The following ATG2A variants were observed in gnomAD, a reference collection of about 807,000 sequenced individuals.
ATG2A encodes the protein autophagy-related protein 2 homolog A.
Under a neutral mutation model 214.2 loss-of-function variants are expected in ATG2A, and 103 were observed. The ratio of observed to expected loss-of-function variants is 0.48; its 90% CI spans 0.41 to 0.57. The LOEUF is 0.57. Ranked by LOEUF, ATG2A falls within the 20% of genes least tolerant of loss-of-function variation. ATG2A has a pLI of 0.00. For missense variants in ATG2A, 2,312 were observed against 2,613.2 expected (o/e 0.88, Z 2.51); for synonymous variants, 1,160 against 1,142.1 (o/e 1.02, Z -0.32).
chr11:64,899,643 C>A (rs1013471967), intron 31 of ATG2A, among the ~76,000 whole-genome samples: 1 of 152,106 alleles, frequency 6.6e-6, no homozygotes, highest in Non-Finnish European at 1.5e-5. Context: ...CTCACACACC[C>A]CATCCGCAGC....
chr11:64,907,524 C>G lies in ATG2A; in HGVS notation c.2647+1G>C. On this transcript the variant is annotated splice_donor_variant, in intron 18 of 40. Transcript: ENST00000377264. LOFTEE classifies it high-confidence loss of function. ...TAGCCCAGCGTTAGCACCTCTCATACCCAGCTTGAAGGCTGACTTGCACAT... is the reference window on the plus strand; with the variant it reads ...TAGCCCAGCGTTAGCACCTCTCATAGCCAGCTTGAAGGCTGACTTGCACAT... 6.2e-7 allele frequency: 1 copy of G among 1,612,786 alleles called. No homozygotes were observed. The highest frequency in any genetic ancestry group is 8.5e-7 in the Non-Finnish European group (1 of 1,179,750).
At chr11:64,912,946 C>G in intron 6 of ATG2A, 92 bp downstream of exon 6, 1 of 937,400 alleles carries the variant, frequency 1.1e-6, no homozygotes, top group Non-Finnish European at 1.6e-6. Context: ...CACTTGACAT[C>G]CCCACTGTGG....
chr11:64,913,439 C>CA lies in ATG2A; in HGVS notation c.591-39dup. On this transcript the variant is annotated intron_variant, in intron 4 of 40. Coordinates refer to ENST00000377264, the MANE Select transcript of ATG2A (RefSeq NM_015104.3). The surrounding 1 kb of genome is among the most constrained non-coding windows in gnomAD (Gnocchi z 4.3). Reference sequence around the variant, plus strand: ...GGGTCAGCCCGTGCCCTGGCCACCCCAGGCCTGGAGCCCCTCTCTCCACAC... The same window carrying CA: ...GGGTCAGCCCGTGCCCTGGCCACCCCAAGGCCTGGAGCCCCTCTCTCCACAC... 1 of 1,523,514 alleles carries CA rather than the reference C, an allele frequency of 6.6e-7. No individual in the cohort carries two copies. The highest frequency in any genetic ancestry group is 8.8e-7 in the Non-Finnish European group (1 of 1,131,628). The allele number at this position is 1,523,514 out of a possible 1,614,324, so 94.4% of individuals were successfully genotyped here.
In ATG2A at chr11:64,910,726, A is replaced by G; in HGVS notation, c.1615-18T>C. The G allele has an allele frequency of 1.2e-6, 2 of 1,609,974 alleles. No individual in the cohort carries two copies. Among genetic ancestry groups the G allele is most frequent in the Non-Finnish European group, 1.7e-6 (2 of 1,178,400 alleles). The stretch of plus-strand genomic sequence containing the variant: ...GTCAGGATCTGGGATGGGACCCGGG[A>G]GGCACACAGGGTCAGGCCTGGCCCC... On this transcript the variant is annotated intron_variant, in intron 11 of 40. Transcript: ENST00000377264.
rs771089212 is a variant in ATG2A, at chr11:64,903,289, A to T, written c.3611T>A (p.Leu1204Gln). Residue 1204 changes from leucine (L) to glutamine (Q), a missense_variant and splice_region_variant, in exon 26 of 41, where the codon CTG becomes CAG. By Grantham distance (113) the Leu-to-Gln change is moderately radical. Coordinates refer to ENST00000377264, the MANE Select transcript of ATG2A (RefSeq NM_015104.3). This position sits in a 1 kb window ranked among gnomAD's most constrained non-coding sequence, Gnocchi z 4.2. Reference protein sequence around the residue: ...KTWKGSTEGKLSQPLFELRCS... With the variant: ...KTWKGSTEGKQSQPLFELRCS... ...AGCCAGAGTGACAGCCTCACTCACC[A>T]GTTTGCCCTCGGTGCTCCCTTTCCA... 4 of 1,613,626 alleles carry T rather than the reference A, an allele frequency of 2.5e-6. No homozygotes were observed. The Admixed American group carries it at 6.7e-5, about 27-fold the overall frequency.
chr11:64,916,831 C>T (rs1945005498), intron 1 of ATG2A, 134 bp downstream of exon 1: 1 of 1,208,032 alleles, frequency 8.3e-7, no homozygotes, highest in South Asian at 1.5e-5. Context: ...GCCTCTGACG[C>T]CTGGAGAGGG....
chr11:64,916,426 G>GGTACTGAC (rs560112989), intron 1 of ATG2A, among the ~76,000 whole-genome samples: 5 of 152,198 alleles, frequency 3.3e-5, no homozygotes, highest in Non-Finnish European at 7.3e-5. Flanking sequence ...GATCAACACT[G>GGTACTGAC]GTACTGACGT....
chr11:64,897,664 C>T lies in ATG2A; in HGVS notation c.5067+7G>A, dbSNP rs1400179045. ...ACATGGCCACCCCATCCGACCGCCC[C>T]ACTTACCACCTGGTCCATCGTGACG... On this transcript the variant is annotated splice_region_variant and intron_variant, in intron 36 of 40. Transcript: ENST00000377264. The T allele has an allele frequency of 3.7e-6, 6 of 1,614,098 alleles. No individual in the cohort carries two copies. The highest frequency in any genetic ancestry group is 5.1e-6 in the Non-Finnish European group (6 of 1,180,042).
At position 64,902,382 on chromosome 11, in the gene ATG2A, G is replaced by T; in HGVS notation, c.3782C>A (p.Ser1261Ter). 1 of 1,571,488 alleles carries T rather than the reference G, an allele frequency of 6.4e-7. No homozygotes were observed. Among genetic ancestry groups the T allele is most frequent in the South Asian group, 1.2e-5 (1 of 86,498 alleles). Reference protein sequence around the residue: ...SPTEIAGQKLSESPASLPSCP... With the variant: ...SPTEIAGQKL ...CGAGGGCAGAGAGGCAGGACTCTCC[G>T]AGAGCTGGGCCAGGCAGGGGAGGAG... The change falls in exon 28 of 41, where the codon TCG (serine) becomes TAG (stop). Residue 1261 changes from serine (S) to a stop codon, truncating the protein, a stop_gained. Coordinates refer to ENST00000377264, the MANE Select transcript of ATG2A (RefSeq NM_015104.3). LOFTEE classifies it high-confidence loss of function.
intron 19 of ATG2A, 132 bp from the exon 20 acceptor site, chr11:64,906,947 G>T (rs1944574920): frequency 1.7e-6 from 2 of 1,144,346 alleles, no homozygotes; most frequent in Non-Finnish European, 1.2e-6. Context: ...GCTGCTGGAG[G>T]CCCTGGATGG....
intron 16 of ATG2A, among the ~76,000 whole-genome samples, chr11:64,908,382 T>C (rs1316233247): frequency 6.6e-6 from 1 of 151,990 alleles, no homozygotes; most frequent in Non-Finnish European, 1.5e-5. Context: ...TGAAACCCCG[T>C]CTCTACTAAA....
Position 64,906,147 on chromosome 11 carries a change from T to G in ATG2A, c.3230A>C (p.Tyr1077Ser), listed in dbSNP as rs368274949. Residue 1077 changes from tyrosine (Y) to serine (S), a missense_variant, in exon 22 of 41, where the codon TAC becomes TCC. Transcript: ENST00000377264. ...CCAGCTCTGCTCGGGCAGGGCCATG[T>G]AGTGGCGCAAGGTGGCTTTGTGCAA... ...LRLHKATLRH[Y>S]MALPEQSWHS... 1.5e-4 allele frequency: 240 copies of G among 1,600,244 alleles called. No homozygotes were observed. Among genetic ancestry groups the G allele is most frequent in the Non-Finnish European group, 2.0e-4 (229 of 1,173,802 alleles).
intron 21 of ATG2A, 30 bp downstream of exon 21, chr11:64,906,304 A>G: frequency 1.2e-6 from 2 of 1,610,072 alleles, no homozygotes; most frequent in Non-Finnish European, 1.7e-6. Context: ...CCAGGCTAGC[A>G]GGAGGGGTGG....
rs776677134 is a variant in ATG2A, at chr11:64,911,893, C to T, written c.1177G>A (p.Val393Met). The T allele has an allele frequency of 1.9e-6, 3 of 1,613,604 alleles. No individual in the cohort carries two copies. The highest frequency in any genetic ancestry group is 2.5e-6 in the Non-Finnish European group (3 of 1,179,884). Reference protein sequence around the residue: ...SLSDVDLASSVRSDMASRRLS... With the variant: ...SLSDVDLASSMRSDMASRRLS... ...CGGCGGGAGGCCATGTCGCTGCGCA[C>T]AGAGGAGGCCAGGTCTACATCGGAG... The change falls in exon 9 of 41, where the codon GTG (valine) becomes ATG (methionine). Residue 393 changes from valine to methionine, a missense_variant. Physicochemically the swap from Val to Met is conservative, Grantham distance 21 (BLOSUM62 1). Transcript: ENST00000377264.
Position 64,909,288 on chromosome 11 carries a change from G to T in ATG2A, c.2187C>A (p.Arg729=), listed in dbSNP as rs140318296. ...CTACTTACTGGGGCAGGAAGTACTTGCGCCCAGTGCTCTTGGGGTCCAGGG... is the reference window on the plus strand; with the variant it reads ...CTACTTACTGGGGCAGGAAGTACTTTCGCCCAGTGCTCTTGGGGTCCAGGG... ...SKALDPKSTG[R]KYFLPQVVVT... Residue 729 remains arginine, a synonymous_variant, in exon 15 of 41, where the codon CGC becomes CGA. Transcript: ENST00000377264. The T allele has an allele frequency of 9.3e-6, 15 of 1,613,700 alleles. No individual in the cohort carries two copies. In the African/African-American group the frequency reaches 1.9e-4, roughly 20 times the overall value.
At position 64,909,622 on chromosome 11, in the gene ATG2A, C is replaced by A. The variant is rs930045392; in HGVS notation, c.2107+59G>T. On this transcript the variant is annotated intron_variant, in intron 14 of 40. Transcript: ENST00000377264. ...ACTGGGCCCCTTCCATAGCCCCAAG[C>A]CCATCTCTCCCAGAAGCCAGGCCTC... 1.0e-4 allele frequency: 161 copies of A among 1,589,538 alleles called. No individual in the cohort carries two copies. In the Admixed American group the frequency reaches 2.6e-3, roughly 26 times the overall value.
chr11:64,908,900 C>T, intron 16 of ATG2A, 91 bp downstream of exon 16: 2 of 1,475,844 alleles, frequency 1.4e-6, no homozygotes, highest in Non-Finnish European at 9.1e-7. Context: ...GTCGTGCTGC[C>T]CTGGCCCACA....
In ATG2A at chr11:64,903,724, G is replaced by C. The variant is rs759941026; in HGVS notation, c.3465-64C>G. On this transcript the variant is annotated intron_variant, in intron 24 of 40. Coordinates refer to ENST00000377264, the MANE Select transcript of ATG2A (RefSeq NM_015104.3). This position sits in a 1 kb window ranked among gnomAD's most constrained non-coding sequence, Gnocchi z 4.2. ...TGCAGGGGGCAGCTCCACGGGAGCC[G>C]AGCAGAGGGGTCCCAAGCCCACAGG... The C allele has an allele frequency of 1.4e-6, 2 of 1,467,200 alleles. No homozygotes were observed. The highest frequency in any genetic ancestry group is 2.5e-5 in the South Asian group (2 of 78,874). The allele number at this position is 1,467,200 out of a possible 1,614,324, so 90.9% of individuals were successfully genotyped here. A position where few individuals can be genotyped will look rare whatever the true frequency, so the allele number is the denominator to read the frequency against.
At chr11:64,902,704 C>T (rs368859983) in intron 26 of ATG2A, 24 bp from the exon 27 acceptor site, 1,166 of 1,598,970 alleles carry the variant, frequency 7.3e-4, no homozygotes, top group Non-Finnish European at 9.2e-4. Context: ...GTGGGGGGAG[C>T]AGCTATGTGA....
Sources: gnomAD v4.1 joint callset for allele counts (sites outside exome capture counted in the v4.1 genomes callset) on GRCh38, gnomAD v4.1.1 for gene constraint, Gnocchi (gnomAD v3.1) non-coding constraint, MANE v1.5 for transcripts, NCBI Gene and HGNC (gene_info 2026-07-23, HGNC 2026-07-21) for gene names.